Variants in SLC5A4 observed in about 807,000 individuals in gnomAD.
SLC5A4 encodes the protein probable glucose sensor protein SLC5A4.
Under a neutral mutation model 70.3 loss-of-function variants are expected in SLC5A4, and 55 were observed. The ratio of observed to expected loss-of-function variants is 0.78; its 90% CI spans 0.63 to 0.98. SLC5A4 has a LOEUF of 0.98. Ranked by LOEUF, SLC5A4 falls within the 50% of genes least tolerant of loss-of-function variation. The pLI, the probability that SLC5A4 is intolerant of heterozygous loss-of-function variation, is 0.00. For synonymous variants in SLC5A4, 268 were observed against 305.7 expected (o/e 0.88, Z 1.29); for missense variants, 735 against 839.2 (o/e 0.88, Z 1.53).
At chr22:32,229,373 GT>G (rs758336899) in intron 10 of SLC5A4, 29 bp from the exon 11 acceptor site, 1 of 1,608,966 alleles carries the variant, frequency 6.2e-7, no homozygotes, top group South Asian at 1.1e-5. Context: ...ACAAGCACTG[GT>G]TAGTGGCTGG....
the SLC5A4 span, among the ~76,000 whole-genome samples, chr22:32,331,632 C>T: frequency 6.6e-6 from 1 of 152,140 alleles, no homozygotes; most frequent in African/African-American, 2.4e-5. Context: ...CTATGCCCAG[C>T]GGCTTCTGGC....
At chr22:32,258,130 AG>A (rs1927581846), upstream of SLC5A4, among the ~76,000 whole-genome samples, 1 of 152,080 alleles carries the variant, frequency 6.6e-6, no homozygotes, top group East Asian at 1.9e-4. Context: ...CTGGGATTAC[AG>A]GCATGCACCA....
chr22:32,333,600 C>T, the SLC5A4 span, among the ~76,000 whole-genome samples: 2 of 152,232 alleles, frequency 1.3e-5, no homozygotes, highest in East Asian at 3.9e-4. Context: ...GGTGCCCTTG[C>T]ATCTCCGTGC....
intron 11 of SLC5A4, among the ~76,000 whole-genome samples, chr22:32,226,991 C>T (rs1056148308): frequency 6.6e-6 from 1 of 152,092 alleles, no homozygotes; most frequent in African/African-American, 2.4e-5. Flanking sequence ...TGCTCAGATG[C>T]CACCTCCTCA....
chr22:32,313,530 G>C, the SLC5A4 span, among the ~76,000 whole-genome samples: 1 of 152,202 alleles, frequency 6.6e-6, no homozygotes, highest in Non-Finnish European at 1.5e-5. Context: ...CTGGAATAGG[G>C]AAGAGCCAGG....
At chr22:32,272,399 C>T in the SLC5A4 span, 7,268 of 904,362 alleles carry the variant, frequency 8.0e-3, 55 homozygotes, top group Non-Finnish European at 9.5e-3. Context: ...AGCGAGCTGA[C>T]GGGCATGGCC....
chr22:32,341,043 AAG>A, the SLC5A4 span, among the ~76,000 whole-genome samples: 2 of 152,196 alleles, frequency 1.3e-5, no homozygotes, highest in Non-Finnish European at 2.9e-5. Flanking sequence ...ACAGGAAAGA[AAG>A]AGAGGAGCCA....
the SLC5A4 span, among the ~76,000 whole-genome samples, chr22:32,339,850 C>T: frequency 3.9e-5 from 6 of 152,232 alleles, no homozygotes; most frequent in African/African-American, 1.4e-4. Context: ...TGGACCCAGA[C>T]CAGGACTTGT....
intron 8 of SLC5A4, among the ~76,000 whole-genome samples, chr22:32,233,662 A>G (rs62239051): frequency 0.018 from 2,743 of 152,194 alleles, 28 homozygotes; most frequent in African/African-American, 0.032. Context: ...GAAAATTCAA[A>G]ATGAAAAATT....
the SLC5A4 span, among the ~76,000 whole-genome samples, chr22:32,310,453 G>A: frequency 2.0e-5 from 3 of 152,208 alleles, no homozygotes; most frequent in Non-Finnish European, 4.4e-5. Context: ...GGACACAGCT[G>A]TGGCTGCCCC....
the SLC5A4 span, among the ~76,000 whole-genome samples, chr22:32,346,632 G>C: frequency 9.7e-5 from 13 of 133,814 alleles, no homozygotes; most frequent in African/African-American, 3.7e-4. Context: ...AAATGGTGCT[G>C]GGAAAACTGG....
At chr22:32,239,480 A>G (rs9606920) in intron 5 of SLC5A4, among the ~76,000 whole-genome samples, 56,482 of 117,120 alleles carry the variant, frequency 0.48, 14,387 homozygotes, top group African/African-American at 0.58. Context: ...TGCAGTGAGC[A>G]GTAATTGAGT....
chr22:32,239,030 C>T lies in SLC5A4; in HGVS notation c.538G>A (p.Ala180Thr), dbSNP rs777996096. Residue 180 changes from alanine (A) to threonine (T), a missense_variant, in exon 6 of 15, where the codon GCA becomes ACA. Ala to Thr is a moderately conservative substitution (Grantham distance 58). Coordinates refer to ENST00000266086, the MANE Select transcript of SLC5A4 (RefSeq NM_014227.3). The stretch of plus-strand genomic sequence containing the variant: ...GTCATAGCCAAGAGGATGAAGATTG[C>T]CAGGTAAAGGTCCAATCCCAAGGCC... ...KLALGLDLYLAIFILLAMTAV... is the reference protein window; with the variant it reads ...KLALGLDLYLTIFILLAMTAV... 6.2e-7 allele frequency: 1 copy of T among 1,613,912 alleles called. No homozygotes were observed. The highest frequency in any genetic ancestry group is 8.5e-7 in the Non-Finnish European group (1 of 1,179,876).
At chr22:32,270,379 A>G in the SLC5A4 span, 1 of 1,442,660 alleles carries the variant, frequency 6.9e-7, no homozygotes, top group Non-Finnish European at 9.7e-7. Flanking sequence ...CCAGGTGGTG[A>G]CAACCTTTGA....
the SLC5A4 span, among the ~76,000 whole-genome samples, chr22:32,327,766 C>G: frequency 6.6e-6 from 1 of 152,196 alleles, no homozygotes; most frequent in Non-Finnish European, 1.5e-5. Context: ...AGTGTCCTGA[C>G]GGATGTAGTC....
chr22:32,232,279 G>T (rs1252673975), intron 9 of SLC5A4, among the ~76,000 whole-genome samples: 1 of 152,210 alleles, frequency 6.6e-6, no homozygotes, highest in Non-Finnish European at 1.5e-5. Flanking sequence ...GAGAAAACAT[G>T]AAGTGGATTC....
In SLC5A4 at chr22:32,247,367, G is replaced by A. The variant is rs202103313; in HGVS notation, c.477+44C>T. ...TGATATTAGCACTCTGGCCCCATCT[G>A]ACCAACCTCTTGAAGCTAAAATGCC... On this transcript the variant is annotated intron_variant, in intron 5 of 14. Transcript: ENST00000266086. 5 of 1,239,712 alleles carry A rather than the reference G, an allele frequency of 4.0e-6. No homozygotes were observed. The South Asian group carries it at 4.8e-5, about 12-fold the overall frequency. 76.8% of individuals were successfully genotyped at this position (1,239,712 alleles called of 1,614,324 possible).
the SLC5A4 span, among the ~76,000 whole-genome samples, chr22:32,300,102 CTTTT>C: frequency 6.6e-6 from 1 of 151,490 alleles, no homozygotes; most frequent in Non-Finnish European, 1.5e-5. Flanking sequence ...TTACTGCTGT[CTTTT>C]TGTTTGTCTG....
chr22:32,271,714 C>T, the SLC5A4 span: 4 of 578,060 alleles, frequency 6.9e-6, no homozygotes, highest in Non-Finnish European at 1.3e-5. Context: ...ATGGCCCTGT[C>T]AACTCTTTCG....
Sources: allele counts gnomAD v4.1 joint callset (sites outside exome capture counted in the v4.1 genomes callset), GRCh38; gene constraint gnomAD v4.1.1; transcripts MANE v1.5; gene names NCBI Gene and HGNC (gene_info 2026-07-23, HGNC 2026-07-21).